The following SLC2A9 variants were observed in gnomAD, a reference collection of about 807,000 sequenced individuals.
SLC2A9 encodes the protein solute carrier family 2 member 9, also known as solute carrier family 2, facilitated glucose transporter member 9.
A neutral mutation model predicts 50.6 loss-of-function variants in SLC2A9; 39 were observed. That is an observed-to-expected ratio of 0.77 (90% CI 0.60 to 1.01). The LOEUF is 1.01. Among genes scored for constraint, SLC2A9 ranks in the 50% least tolerant of loss-of-function variants. SLC2A9 has a pLI of 0.00. For missense variants in SLC2A9, 686 were observed against 677.6 expected (o/e 1.01, Z -0.14); for synonymous variants, 324 against 276.9 (o/e 1.17, Z -1.69).
At chr4:9,995,073 A>T (rs1360631558) in intron 3 of SLC2A9, among the ~76,000 whole-genome samples, 1 of 152,162 alleles carries the variant, frequency 6.6e-6, no homozygotes, top group Non-Finnish European at 1.5e-5. Flanking sequence ...TGGAAAGATC[A>T]TGATTCCAGC....
chr4:9,845,792 T>C (rs918728261), intron 10 of SLC2A9, among the ~76,000 whole-genome samples: 1 of 152,202 alleles, frequency 6.6e-6, no homozygotes, highest in African/African-American at 2.4e-5. Flanking sequence ...TTTCCTTAAG[T>C]GTATCCATAT....
chr4:9,947,965 A>C (rs1749499600), intron 5 of SLC2A9, among the ~76,000 whole-genome samples: 1 of 152,036 alleles, frequency 6.6e-6, no homozygotes. Context: ...TGTGAGTAAT[A>C]AATTCTTCTT....
chr4:9,883,612 G>A (rs1373806109), intron 10 of SLC2A9, among the ~76,000 whole-genome samples: 3 of 152,210 alleles, frequency 2.0e-5, no homozygotes, highest in Admixed American at 6.5e-5. Context: ...AGTGGAAACT[G>A]AGCAAGTGCG....
chr4:9,781,058 C>T (rs1718291865), intron 3 of SLC2A9, among the ~76,000 whole-genome samples: 1 of 152,102 alleles, frequency 6.6e-6, no homozygotes, highest in Admixed American at 6.5e-5. Context: ...AGCTGAAGCC[C>T]CAGCCTCAGG....
intron 10 of SLC2A9, among the ~76,000 whole-genome samples, chr4:9,870,893 G>A (rs1459108898): frequency 6.6e-6 from 1 of 152,144 alleles, no homozygotes; most frequent in East Asian, 1.9e-4. Flanking sequence ...CAAGTATCTA[G>A]CGCTGACCAA....
intron 3 of SLC2A9, among the ~76,000 whole-genome samples, chr4:9,805,280 A>G (rs893978258): frequency 2.6e-5 from 4 of 152,244 alleles, no homozygotes; most frequent in Non-Finnish European, 5.9e-5. Flanking sequence ...TCATAGCAGA[A>G]GGACCACAGA....
chr4:9,836,493 G>T (rs1327629434), intron 10 of SLC2A9, among the ~76,000 whole-genome samples: 1 of 152,120 alleles, frequency 6.6e-6, no homozygotes, highest in Non-Finnish European at 1.5e-5. Context: ...GGAAGATCAT[G>T]CCGAGTGGAG....
chr4:9,816,850 C>G (rs1442637212), intron 3 of SLC2A9, among the ~76,000 whole-genome samples: 7 of 150,664 alleles, frequency 4.6e-5, no homozygotes, highest in African/African-American at 1.7e-4. Flanking sequence ...CGCACATACA[C>G]CCTCTTAGTG....
intron 1 of SLC2A9, among the ~76,000 whole-genome samples, chr4:10,020,922 G>C (rs550866810): frequency 6.6e-6 from 1 of 152,320 alleles, no homozygotes; most frequent in Non-Finnish European, 1.5e-5. Flanking sequence ...CTCACTGCAC[G>C]GGCAGAGGGT....
chr4:9,921,882 C>T (rs1023073800), intron 6 of SLC2A9, among the ~76,000 whole-genome samples: 1 of 152,116 alleles, frequency 6.6e-6, no homozygotes, highest in Non-Finnish European at 1.5e-5. Context: ...TCATGACATA[C>T]ATATTTTCCA....
intron 10 of SLC2A9, among the ~76,000 whole-genome samples, chr4:9,868,954 C>T (rs753112707): frequency 1.3e-5 from 2 of 152,162 alleles, no homozygotes; most frequent in Non-Finnish European, 1.5e-5. Flanking sequence ...AAGTTGCTGA[C>T]ATATAAAGGG....
At chr4:9,931,609 A>C (rs1293465783) in intron 6 of SLC2A9, among the ~76,000 whole-genome samples, 1 of 152,128 alleles carries the variant, frequency 6.6e-6, no homozygotes, top group African/African-American at 2.4e-5. Context: ...CCCAGGTAAT[A>C]GTGAGGAGTT....
chr4:10,002,965 C>A (rs900265465), intron 2 of SLC2A9, among the ~76,000 whole-genome samples: 2 of 152,216 alleles, frequency 1.3e-5, no homozygotes, highest in African/African-American at 2.4e-5. Flanking sequence ...AGCACAGAGT[C>A]TAGTGGGAGA....
intron 3 of SLC2A9, among the ~76,000 whole-genome samples, chr4:9,799,943 G>A (rs929327395): frequency 2.0e-5 from 3 of 152,136 alleles, no homozygotes; most frequent in Admixed American, 6.6e-5. Context: ...TAACTTCAAG[G>A]GCGGATGATG....
At chr4:9,771,435 G>A (rs1716799821) in intron 1 of SLC2A9, 4 of 398,722 alleles carry the variant, frequency 1.0e-5, no homozygotes, top group African/African-American at 2.1e-5. Context: ...GAGATCTGCA[G>A]CACTCTGCTC....
At chr4:10,021,538 A>G (rs1763505825), upstream of SLC2A9, 1 of 1,541,304 alleles carries the variant, frequency 6.5e-7, no homozygotes, top group Admixed American at 1.9e-5. Flanking sequence ...GGAGTTCCTG[A>G]CAGGAAGTGT....
intron 6 of SLC2A9, among the ~76,000 whole-genome samples, chr4:9,922,548 A>T (rs1412563991): frequency 6.6e-6 from 1 of 152,172 alleles, no homozygotes; most frequent in Non-Finnish European, 1.5e-5. Flanking sequence ...ATGTTCATAA[A>T]GTGGGTGATA....
chr4:9,975,172 TATC>T (rs1754578705), intron 5 of SLC2A9, among the ~76,000 whole-genome samples: 1 of 152,166 alleles, frequency 6.6e-6, no homozygotes, highest in Admixed American at 6.5e-5. Context: ...ACCTAGGAAA[TATC>T]ATTCTGGACA....
intron 4 of SLC2A9, among the ~76,000 whole-genome samples, chr4:9,984,679 A>G (rs766805618): frequency 6.6e-6 from 1 of 152,096 alleles, no homozygotes; most frequent in African/African-American, 2.4e-5. Flanking sequence ...GTCTGACAAT[A>G]TATCTTGAGT....
Sources: gnomAD v4.1 joint callset for allele counts (sites outside exome capture counted in the v4.1 genomes callset) on GRCh38, gnomAD v4.1.1 for gene constraint, MANE v1.5 for transcripts, NCBI Gene and HGNC (gene_info 2026-07-23, HGNC 2026-07-21) for gene names.